Variants in CD99 observed in about 807,000 individuals in gnomAD.
CD99 encodes the protein CD99 antigen.
A neutral mutation model predicts 28.4 loss-of-function variants in CD99; 19 were observed. That is an observed-to-expected ratio of 0.67 (90% CI 0.47 to 0.98). The LOEUF (loss-of-function observed/expected upper bound fraction) is 0.98. CD99 is among the 50% of genes least tolerant of loss of function. The pLI, the probability that CD99 is intolerant of heterozygous loss-of-function variation, is 0.00. For synonymous variants in CD99, 103 were observed against 92.1 expected, an observed-to-expected ratio of 1.12 and a Z score of -0.67; for missense variants, 283 against 248.8, an observed-to-expected ratio of 1.14 and a Z score of -0.92.
intron 8 of CD99, among the ~76,000 whole-genome samples, chrX:2,730,097 T>C (rs2049512144): frequency 6.6e-6 from 1 of 152,066 alleles, no homozygotes; most frequent in Non-Finnish European, 1.5e-5. Context: ...GAGGCTGCAG[T>C]AAGCCATGAT....
At chrX:2,695,831 AC>A (rs2047549913) in intron 1 of CD99, among the ~76,000 whole-genome samples, 1 of 151,906 alleles carries the variant, frequency 6.6e-6, no homozygotes, top group Non-Finnish European at 1.5e-5. Flanking sequence ...ACGGTGTTTC[AC>A]CCTGTTGGAC....
intron 1 of CD99, chrX:2,692,059 T>C (rs191753700): frequency 1.3e-5 from 8 of 618,074 alleles, no homozygotes; most frequent in African/African-American, 1.3e-4. Flanking sequence ...AAATTGTCCA[T>C]CTGCGGCGGT....
intron 8 of CD99, chrX:2,727,213 C>G: frequency 1.4e-6 from 1 of 739,508 alleles, no homozygotes; most frequent in South Asian, 1.4e-5. Flanking sequence ...GCACCCAGGA[C>G]CTGGGAAGTT....
At chrX:2,739,187 A>C (rs2050087190) in intron 9 of CD99, among the ~76,000 whole-genome samples, 1 of 152,070 alleles carries the variant, frequency 6.6e-6, no homozygotes, top group Non-Finnish European at 1.5e-5. Context: ...CCTTCTAAAA[A>C]TCCTCTCAAC....
intron 1 of CD99, among the ~76,000 whole-genome samples, chrX:2,697,823 C>CGAAGACAAATGAATTCGA (rs1263005919): frequency 3.3e-5 from 5 of 151,976 alleles, no homozygotes; most frequent in Non-Finnish European, 1.5e-5. Context: ...TCGATGAATT[C>CGAAGACAAATGAATTCGA]AGCACAAAAT....
At chrX:2,703,602 TTAAGTGTGTG>T (rs1247872741) in intron 1 of CD99, among the ~76,000 whole-genome samples, 21 of 129,200 alleles carry the variant, frequency 1.6e-4, no homozygotes, top group African/African-American at 6.4e-4. Context: ...AACCGAGCTG[TTAAGTGTGTG>T]TGTGTGTGTG....
At chrX:2,723,092 C>T (rs932916703) in intron 6 of CD99, among the ~76,000 whole-genome samples, 8 of 152,170 alleles carry the variant, frequency 5.3e-5, no homozygotes, top group Non-Finnish European at 8.8e-5. Context: ...TGGGAGTATG[C>T]GTTCTCAGAG....
chrX:2,702,988 C>G (rs1247671316), intron 1 of CD99, among the ~76,000 whole-genome samples: 1 of 151,996 alleles, frequency 6.6e-6, no homozygotes, highest in Admixed American at 6.6e-5. Context: ...GGGGTTTCAC[C>G]GTGTTGGCCA....
intron 5 of CD99, among the ~76,000 whole-genome samples, chrX:2,722,289 T>C (rs1019823998): frequency 1.3e-5 from 2 of 152,330 alleles, no homozygotes; most frequent in South Asian, 4.1e-4. Flanking sequence ...TGCAATATTA[T>C]GCTCACGTTT....
intron 7 of CD99, 33 bp downstream of exon 7, chrX:2,723,397 T>G (rs1318067607): frequency 6.8e-6 from 11 of 1,611,436 alleles, no homozygotes; most frequent in South Asian, 3.3e-5. Flanking sequence ...TTCTTGTCTC[T>G]CCCACGTGGT....
chrX:2,692,933 G>A (rs1395574007), intron 1 of CD99, among the ~76,000 whole-genome samples: 1 of 152,144 alleles, frequency 6.6e-6, no homozygotes, highest in East Asian at 1.9e-4. Flanking sequence ...CGGGAGACAG[G>A]GCCACAGGGA....
At chrX:2,701,257 A>G (rs974150347) in intron 1 of CD99, among the ~76,000 whole-genome samples, 36 of 149,294 alleles carry the variant, frequency 2.4e-4, no homozygotes, top group African/African-American at 8.3e-4. Context: ...CCACCCACCC[A>G]TCCATCCACT....
intron 1 of CD99, among the ~76,000 whole-genome samples, chrX:2,699,354 G>C (rs2047733149): frequency 6.6e-6 from 1 of 151,798 alleles, no homozygotes; most frequent in South Asian, 2.1e-4. Flanking sequence ...ATTTTTAGTA[G>C]AGACGGGATT....
intron 1 of CD99, among the ~76,000 whole-genome samples, chrX:2,707,892 G>A (rs922275799): frequency 6.6e-6 from 1 of 152,168 alleles, no homozygotes; most frequent in African/African-American, 2.4e-5. Flanking sequence ...GGTGTCTGCT[G>A]TGAGCCCGCA....
chrX:2,733,190 C>G, intron 8 of CD99: 1 of 216,756 alleles, frequency 4.6e-6, no homozygotes, highest in Non-Finnish European at 7.9e-6. Context: ...TTGGTTTCCA[C>G]TTCCCACTCT....
At chrX:2,714,512 T>G in intron 2 of CD99, 58 bp downstream of exon 2, 1 of 1,372,104 alleles carries the variant, frequency 7.3e-7, no homozygotes, top group Non-Finnish European at 1.0e-6. Context: ...ACATAGTATA[T>G]ACAGGCATAT....
At chrX:2,694,716 G>T (rs1018176403) in intron 1 of CD99, among the ~76,000 whole-genome samples, 5 of 151,786 alleles carry the variant, frequency 3.3e-5, no homozygotes, top group African/African-American at 1.2e-4. Context: ...TCGTGTCACC[G>T]CATTATGGCC....
intron 8 of CD99, chrX:2,733,409 TC>T (rs774889831): frequency 3.7e-5 from 58 of 1,581,282 alleles, no homozygotes; most frequent in Non-Finnish European, 4.4e-5. Context: ...CTGCGGAGCG[TC>T]CTGACCGTAA....
intron 3 of CD99, among the ~76,000 whole-genome samples, chrX:2,718,745 C>A (rs1363984258): frequency 1.3e-5 from 2 of 152,130 alleles, no homozygotes. Context: ...ACCCCACTGG[C>A]GGATAAACAG....
Sources: allele counts gnomAD v4.1 joint callset (sites outside exome capture counted in the v4.1 genomes callset), GRCh38; gene constraint gnomAD v4.1.1; transcripts MANE v1.5; gene names NCBI Gene and HGNC (gene_info 2026-07-23, HGNC 2026-07-21).